The following MAML3 variants were observed in gnomAD, a reference collection of about 807,000 sequenced individuals.
MAML3 encodes the protein mastermind-like protein 3.
A neutral mutation model predicts 101.9 loss-of-function variants in MAML3; 27 were observed. The observed-to-expected ratio is 0.27, with a 90% CI of 0.20 to 0.37. The LOEUF (loss-of-function observed/expected upper bound fraction) is 0.37. Ranked by LOEUF, MAML3 falls within the 10% of genes least tolerant of loss-of-function variation. MAML3 has a pLI of 1.00. For missense variants in MAML3, 1,316 were observed against 1,444.9 expected (o/e 0.91, Z 1.45); for synonymous variants, 501 against 555.9 (o/e 0.90, Z 1.39).
intron 2 of MAML3, among the ~76,000 whole-genome samples, chr4:139,818,178 G>A (rs758985916): frequency 1.3e-5 from 2 of 152,136 alleles, no homozygotes; most frequent in South Asian, 4.1e-4. Context: ...CCCGGCTACC[G>A]TCTATTGGTT....
At chr4:140,123,758 C>A (rs1205551860) in intron 1 of MAML3, among the ~76,000 whole-genome samples, 1 of 152,120 alleles carries the variant, frequency 6.6e-6, no homozygotes. Flanking sequence ...TGGTTGATTT[C>A]TTTTTGTGTA....
In MAML3 at chr4:140,152,954, G is replaced by A. The variant is rs1729202755; in HGVS notation, c.374C>T (p.Ser125Leu). 6 of 1,612,068 alleles carry A rather than the reference G, an allele frequency of 3.7e-6. No individual in the cohort carries two copies. The highest frequency in any genetic ancestry group is 1.7e-4 in the Middle Eastern group (1 of 5,758). ...CTGCTGTTTGCCGGTGCCGGCGCCC[G>A]ATTTCTTGGCCCTCTGCTCCAGGGT... ...QRTLEQRAKK[S>L]GAGTGKQQHP... Residue 125 changes from serine (S) to leucine (L), a missense_variant, in exon 1 of 5, where the codon TCG becomes TTG. Coordinates refer to ENST00000509479, the MANE Select transcript of MAML3 (RefSeq NM_018717.5).
At chr4:139,791,969 T>C (rs1730423073) in intron 2 of MAML3, among the ~76,000 whole-genome samples, 1 of 152,232 alleles carries the variant, frequency 6.6e-6, no homozygotes. Flanking sequence ...GTGCTGGATA[T>C]ACTGGGATCT....
At chr4:139,993,897 G>A (rs1734752327) in intron 1 of MAML3, among the ~76,000 whole-genome samples, 1 of 151,974 alleles carries the variant, frequency 6.6e-6, no homozygotes, top group Non-Finnish European at 1.5e-5. Context: ...TTACACTTTT[G>A]GTGTTGTATC....
chr4:139,744,613 CTT>C (rs1475897530), intron 2 of MAML3, among the ~76,000 whole-genome samples: 2 of 152,136 alleles, frequency 1.3e-5, no homozygotes, highest in East Asian at 3.8e-4. Flanking sequence ...TTTTGAAAAA[CTT>C]TTATTGCTCA....
At chr4:140,060,140 T>C (rs1038568106) in intron 1 of MAML3, among the ~76,000 whole-genome samples, 1 of 151,346 alleles carries the variant, frequency 6.6e-6, no homozygotes, top group Non-Finnish European at 1.5e-5. Flanking sequence ...CTGAGGCGGG[T>C]GGATCACCTG....
At chr4:140,117,212 A>T (rs1728530842) in intron 1 of MAML3, among the ~76,000 whole-genome samples, 1 of 152,158 alleles carries the variant, frequency 6.6e-6, no homozygotes, top group African/African-American at 2.4e-5. Context: ...CATCTTATTT[A>T]CTATAACCCA....
Position 140,001,028 on chromosome 4 carries a change from C to CAAAAAAAAG in MAML3, c.469-110070_469-110062dup, listed in dbSNP as rs1553968333. Among the ~76,000 whole-genome samples, 4 of 149,782 alleles carry CAAAAAAAAG rather than the reference C, an allele frequency of 2.7e-5. No homozygotes were observed. In the East Asian group the frequency reaches 7.8e-4, roughly 29 times the overall value. On this transcript the variant is annotated intron_variant, in intron 1 of 4. Coordinates refer to ENST00000509479, the MANE Select transcript of MAML3 (RefSeq NM_018717.5). Reference sequence around the variant, plus strand: ...GGGCAACAAGAGCAAAACTCCGTCTCAAAAAAAAGAAAAAAAAGAAAAGAA... The same window carrying CAAAAAAAAG: ...GGGCAACAAGAGCAAAACTCCGTCTCAAAAAAAAGAAAAAAAAGAAAAAAAAGAAAAGAA...
At chr4:140,040,281 G>C (rs1053892632) in intron 1 of MAML3, among the ~76,000 whole-genome samples, 1 of 152,194 alleles carries the variant, frequency 6.6e-6, no homozygotes, top group Non-Finnish European at 1.5e-5. Flanking sequence ...AATGGCTATT[G>C]GGTGGGAGGC....
Position 139,836,725 on chromosome 4 carries a change from C to T in MAML3, c.2079+52632G>A, listed in dbSNP as rs556366485. On this transcript the variant is annotated intron_variant, in intron 2 of 4. Coordinates refer to ENST00000509479, the MANE Select transcript of MAML3 (RefSeq NM_018717.5). ...CTGGAGAGCCCGGGCCTATGTTGTTCTTGGTGGAATACAGCATCATTCACA... is the reference window on the plus strand; with the variant it reads ...CTGGAGAGCCCGGGCCTATGTTGTTTTTGGTGGAATACAGCATCATTCACA... 5.8e-4 allele frequency among the ~76,000 whole-genome samples: 89 copies of T among 152,252 alleles called. No homozygotes were observed. The South Asian group carries it at 0.018, about 31-fold the overall frequency.
chr4:139,914,263 G>A (rs993512910), intron 1 of MAML3, among the ~76,000 whole-genome samples: 14 of 152,128 alleles, frequency 9.2e-5, no homozygotes, highest in South Asian at 2.1e-4. Context: ...TAAAGGGCTC[G>A]GCAAAAATTA....
intron 2 of MAML3, among the ~76,000 whole-genome samples, chr4:139,871,238 C>G (rs1205565715): frequency 6.6e-6 from 1 of 152,160 alleles, no homozygotes; most frequent in African/African-American, 2.4e-5. Context: ...GCCCCAAATT[C>G]ACACTGTTAC....
intron 1 of MAML3, among the ~76,000 whole-genome samples, chr4:139,961,835 C>T (rs1204273502): frequency 1.3e-5 from 2 of 152,086 alleles, no homozygotes; most frequent in African/African-American, 2.4e-5. Context: ...GACACAAAGC[C>T]GGGCACGGTG....
intron 1 of MAML3, among the ~76,000 whole-genome samples, chr4:140,079,292 A>C (rs1727827472): frequency 6.6e-6 from 1 of 152,144 alleles, no homozygotes; most frequent in African/African-American, 2.4e-5. Context: ...TTAATTAATT[A>C]ATTTAAAAAA....
chr4:140,033,091 A>G (rs1278319665), intron 1 of MAML3, among the ~76,000 whole-genome samples: 1 of 152,226 alleles, frequency 6.6e-6, no homozygotes, highest in East Asian at 1.9e-4. Context: ...AAAGCATACA[A>G]GAATAAGGCT....
At chr4:140,058,646 CTCATG>C (rs1727394199) in intron 1 of MAML3, among the ~76,000 whole-genome samples, 2 of 151,536 alleles carry the variant, frequency 1.3e-5, no homozygotes, top group South Asian at 4.2e-4. Flanking sequence ...ATTTCATGTT[CTCATG>C]TTTTAACATA....
At chr4:139,751,303 A>G (rs1334854640) in intron 2 of MAML3, among the ~76,000 whole-genome samples, 1 of 152,238 alleles carries the variant, frequency 6.6e-6, no homozygotes, top group East Asian at 1.9e-4. Flanking sequence ...TTGGGATCAG[A>G]AGTATTACGA....
chr4:140,088,538 G>T (rs1026727227), intron 1 of MAML3, among the ~76,000 whole-genome samples: 5 of 152,108 alleles, frequency 3.3e-5, no homozygotes, highest in African/African-American at 1.2e-4. Flanking sequence ...TCATGTTCCA[G>T]CTTCTAGTCT....
chr4:139,926,708 A>G (rs1364118460), intron 1 of MAML3, among the ~76,000 whole-genome samples: 1 of 152,266 alleles, frequency 6.6e-6, no homozygotes, highest in Non-Finnish European at 1.5e-5. Context: ...TTTTTGACTT[A>G]CAGAAAAGTT....
Sources: allele counts gnomAD v4.1 joint callset (sites outside exome capture counted in the v4.1 genomes callset), GRCh38; gene constraint gnomAD v4.1.1; transcripts MANE v1.5; gene names NCBI Gene and HGNC (gene_info 2026-07-23, HGNC 2026-07-21).